The following B4GALNT2 variants were observed in gnomAD, a reference collection of about 807,000 sequenced individuals.
B4GALNT2 encodes beta-1,4-N-acetyl-galactosaminyltransferase 2 (SID blood group), also known as N-acetylneuraminylgalactosylglucosyl-glucoside beta-1,4-N- acetylgalactosaminyltransferase 2.
In B4GALNT2, 42 loss-of-function variants were observed where a neutral mutation model predicts 51.1. The ratio of observed to expected loss-of-function variants is 0.82; its 90% CI spans 0.64 to 1.06. The LOEUF is 1.06. Among genes scored for constraint, B4GALNT2 ranks in the 50% least tolerant of loss-of-function variants. The pLI, the probability that B4GALNT2 is intolerant of heterozygous loss-of-function variation, is 0.00. For missense variants in B4GALNT2, 602 were observed against 633.6 expected, an observed-to-expected ratio of 0.95 and a Z score of 0.54; for synonymous variants, 253 against 251.7, an observed-to-expected ratio of 1.01 and a Z score of -0.05.
chr17:49,158,462 C>G (rs1287123029), intron 5 of B4GALNT2, among the ~76,000 whole-genome samples: 1 of 152,012 alleles, frequency 6.6e-6, no homozygotes, highest in South Asian at 2.1e-4. Flanking sequence ...GGCGAAAGCC[C>G]GTCTCTACTA....
At chr17:49,150,227 G>A (rs1335523509) in intron 3 of B4GALNT2, among the ~76,000 whole-genome samples, 2 of 141,834 alleles carry the variant, frequency 1.4e-5, no homozygotes, top group African/African-American at 2.7e-5. Flanking sequence ...CCGGCCAGCC[G>A]CCCCGTCCGG....
chr17:49,130,384 T>TC (rs1487984471), upstream of B4GALNT2, among the ~76,000 whole-genome samples: 1 of 152,206 alleles, frequency 6.6e-6, no homozygotes. Flanking sequence ...ATGCCTGTAA[T>TC]CCCAGCACTT....
intron 3 of B4GALNT2, among the ~76,000 whole-genome samples, chr17:49,149,277 A>G (rs529535444): frequency 1.3e-5 from 2 of 152,240 alleles, no homozygotes; most frequent in Admixed American, 1.3e-4. Flanking sequence ...TAGATTGTTG[A>G]AAAACCTTCA....
the B4GALNT2 span, among the ~76,000 whole-genome samples, chr17:49,127,430 G>C: frequency 6.6e-6 from 1 of 152,146 alleles, no homozygotes; most frequent in Non-Finnish European, 1.5e-5. Flanking sequence ...CAACTCTTAA[G>C]ACATTTCTAA....
At chr17:49,158,981 C>A in intron 5 of B4GALNT2, 56 bp from the exon 6 acceptor site, 1 of 1,570,778 alleles carries the variant, frequency 6.4e-7, no homozygotes, top group Non-Finnish European at 8.7e-7. Flanking sequence ...TGTATCTTTC[C>A]AGGGAGATAT....
intron 1 of B4GALNT2, among the ~76,000 whole-genome samples, chr17:49,133,799 G>A (rs572817589): frequency 4.5e-4 from 68 of 152,286 alleles, no homozygotes; most frequent in African/African-American, 1.6e-3. Flanking sequence ...TGTAATCCCA[G>A]CTACTTGGGA....
At chr17:49,147,512 C>G (rs1316760118) in intron 3 of B4GALNT2, among the ~76,000 whole-genome samples, 1 of 151,682 alleles carries the variant, frequency 6.6e-6, no homozygotes, top group African/African-American at 2.4e-5. Flanking sequence ...ATAGCTGGGA[C>G]TACAGGTGCA....
chr17:49,134,835 C>T (rs1222253113), intron 1 of B4GALNT2, among the ~76,000 whole-genome samples: 1 of 152,150 alleles, frequency 6.6e-6, no homozygotes. Context: ...AAATGATCCA[C>T]CCGCCTCAGC....
chr17:49,159,133 A>G lies in B4GALNT2; in HGVS notation c.595A>G (p.Thr199Ala), dbSNP rs761295584. The change falls in exon 6 of 11, where the codon ACC (threonine) becomes GCC (alanine). Residue 199 changes from threonine to alanine, a missense_variant. Thr to Ala is a moderately conservative substitution (Grantham distance 58, BLOSUM62 0). Coordinates refer to ENST00000393354, the MANE Select transcript of B4GALNT2 (RefSeq NM_001159387.2). ...AGGCCAGAAGCAGCTGATCATTTCT[A>G]CCAGTGACCGGAAGCTGTTGAAGTT... ...GRGQKQLIIS[T>A]SDRKLLKFIL... The G allele has an allele frequency of 1.4e-5, 23 of 1,614,082 alleles. No homozygotes were observed. The South Asian group carries it at 2.5e-4, about 18-fold the overall frequency.
At chr17:49,166,360 G>A (rs1435027748) in intron 9 of B4GALNT2, 106 bp downstream of exon 9, 1 of 487,380 alleles carries the variant, frequency 2.1e-6, no homozygotes, top group African/African-American at 2.0e-5. Flanking sequence ...GGGAGGGAGG[G>A]GAGGGAGGGG....
chr17:49,161,176 G>A (rs1241739733), intron 7 of B4GALNT2, among the ~76,000 whole-genome samples: 3 of 151,824 alleles, frequency 2.0e-5, no homozygotes, highest in African/African-American at 7.3e-5. Flanking sequence ...TCTGGAGGCT[G>A]AGGCAGGAGA....
At chr17:49,137,380 C>T (rs972479973) in intron 1 of B4GALNT2, among the ~76,000 whole-genome samples, 1 of 152,096 alleles carries the variant, frequency 6.6e-6, no homozygotes, top group African/African-American at 2.4e-5. Flanking sequence ...GGAGTGGATT[C>T]CTCATAAAAG....
upstream of B4GALNT2, among the ~76,000 whole-genome samples, chr17:49,129,729 G>A (rs1208241240): frequency 6.6e-6 from 1 of 151,472 alleles, no homozygotes; most frequent in Non-Finnish European, 1.5e-5. Flanking sequence ...GAAGTTTATT[G>A]CAGGGTTGGA....
intron 7 of B4GALNT2, among the ~76,000 whole-genome samples, chr17:49,163,054 G>A (rs1242036455): frequency 2.0e-5 from 3 of 152,026 alleles, no homozygotes; most frequent in African/African-American, 2.4e-5. Context: ...TAGGGTTGTG[G>A]CTTCCAGCAT....
At chr17:49,139,271 C>T (rs988055190) in intron 1 of B4GALNT2, among the ~76,000 whole-genome samples, 1 of 151,994 alleles carries the variant, frequency 6.6e-6, no homozygotes, top group Non-Finnish European at 1.5e-5. Context: ...CAGAGTCTCC[C>T]TCTGACACCG....
At chr17:49,162,935 A>AAAG (rs2042878117) in intron 7 of B4GALNT2, among the ~76,000 whole-genome samples, 1 of 146,194 alleles carries the variant, frequency 6.8e-6, no homozygotes, top group Admixed American at 6.8e-5. Context: ...AAAAAAAAAA[A>AAAG]GGGCAAGAGG....
chr17:49,123,791 C>T, the B4GALNT2 span, among the ~76,000 whole-genome samples: 1 of 152,168 alleles, frequency 6.6e-6, no homozygotes, highest in Non-Finnish European at 1.5e-5. Context: ...AGATCAGAAA[C>T]CCTGTACAGG....
intron 3 of B4GALNT2, among the ~76,000 whole-genome samples, chr17:49,146,436 G>A (rs535194508): frequency 3.9e-5 from 6 of 152,178 alleles, no homozygotes; most frequent in South Asian, 4.1e-4. Flanking sequence ...TTAGCCACCC[G>A]AGTAGTTGGG....
intron 8 of B4GALNT2, among the ~76,000 whole-genome samples, chr17:49,164,700 C>T (rs1421300826): frequency 6.6e-6 from 1 of 151,956 alleles, no homozygotes; most frequent in Non-Finnish European, 1.5e-5. Context: ...CAGGGTTCAC[C>T]GTGTTGGGCA....
Sources: gnomAD v4.1 joint callset for allele counts (sites outside exome capture counted in the v4.1 genomes callset) on GRCh38, gnomAD v4.1.1 for gene constraint, MANE v1.5 for transcripts, NCBI Gene and HGNC (gene_info 2026-07-23, HGNC 2026-07-21) for gene names.